Variants in PLD3 observed in about 807,000 individuals in gnomAD.
The protein encoded by PLD3 is 5'-3' exonuclease PLD3.
Under a neutral mutation model 58.4 loss-of-function variants are expected in PLD3, and 31 were observed. The observed-to-expected ratio is 0.53, with a 90% confidence interval of 0.40 to 0.72. The LOEUF is 0.72. PLD3 is among the 30% of genes least tolerant of loss of function. The pLI, the probability that PLD3 is intolerant of heterozygous loss-of-function variation, is 0.00. For missense variants in PLD3, 595 were observed against 659.8 expected, an observed-to-expected ratio of 0.90 and a Z score of 1.08; for synonymous variants, 264 against 273.4, an observed-to-expected ratio of 0.97 and a Z score of 0.34.
At chr19:40,355,351 T>C (rs2078629438) in intron 1 of PLD3, among the ~76,000 whole-genome samples, 1 of 151,450 alleles carries the variant, frequency 6.6e-6, no homozygotes, top group East Asian at 1.9e-4. Context: ...TCGCTCTTGT[T>C]GCCCAGGCTG....
chr19:40,353,800 A>C (rs544369417), intron 1 of PLD3, among the ~76,000 whole-genome samples: 144 of 152,074 alleles, frequency 9.5e-4, no homozygotes, highest in African/African-American at 3.3e-3. Context: ...GGATGGTCTC[A>C]ATCTCCTGAC....
chr19:40,365,235 G>A (rs2078888332), intron 1 of PLD3, among the ~76,000 whole-genome samples: 3 of 152,160 alleles, frequency 2.0e-5, no homozygotes, highest in African/African-American at 4.8e-5. Context: ...AGAGGAAAGG[G>A]GTCTCCAGTG....
intron 1 of PLD3, among the ~76,000 whole-genome samples, chr19:40,352,635 T>A (rs2078547464): frequency 6.6e-6 from 1 of 152,132 alleles, no homozygotes; most frequent in Admixed American, 6.6e-5. Context: ...ATTAAATATA[T>A]TAAGTCCAAT....
chr19:40,364,587 C>T (rs182005087), intron 1 of PLD3, among the ~76,000 whole-genome samples: 2 of 151,526 alleles, frequency 1.3e-5, no homozygotes, highest in Non-Finnish European at 2.9e-5. Flanking sequence ...GTCAGGAGAT[C>T]GAGACCATCC....
intron 8 of PLD3, chr19:40,370,748 C>T (rs916071016): frequency 1.3e-5 from 2 of 154,220 alleles, no homozygotes; most frequent in East Asian, 1.9e-4. Flanking sequence ...CCTCTGATCC[C>T]CAATTGCAGC....
Position 40,371,845 on chromosome 19 carries a change from A to G in PLD3, c.851A>G (p.Asn284Ser), listed in dbSNP as rs200274020. The change falls in exon 9 of 13, where the codon AAT (asparagine) becomes AGT (serine). Residue 284 changes from asparagine to serine, a missense_variant. Transcript: ENST00000409735. Reference protein sequence around the residue: ...NQETPMEICLNGTPALAYLAS... With the variant: ...NQETPMEICLSGTPALAYLAS... ...GAGACACCAATGGAGATCTGCCTCAATGGAACCCCTGCTCTGGCCTACCTG... is the reference window on the plus strand; with the variant it reads ...GAGACACCAATGGAGATCTGCCTCAGTGGAACCCCTGCTCTGGCCTACCTG... The G allele has an allele frequency of 3.0e-4, 479 of 1,614,092 alleles. No individual in the cohort carries two copies. Among genetic ancestry groups the G allele is most frequent in the Admixed American group, 1.8e-3 (111 of 60,008 alleles).
chr19:40,357,472 T>C (rs1397563257), intron 1 of PLD3: 1 of 152,200 alleles, frequency 6.6e-6, no homozygotes, highest in African/African-American at 2.4e-5. Flanking sequence ...ACACTCTGCA[T>C]TCTCAGATGG....
intron 1 of PLD3, among the ~76,000 whole-genome samples, chr19:40,350,467 T>G (rs1194608695): frequency 6.6e-6 from 1 of 151,454 alleles, no homozygotes; most frequent in Non-Finnish European, 1.5e-5. Context: ...TATCTCGGCC[T>G]GGCGCAATGG....
rs373757018 is a variant in PLD3, at chr19:40,354,567, CCAGG to C, written c.-279+5801_-279+5804del. On this transcript the variant is annotated intron_variant, in intron 1 of 12. Transcript: ENST00000409735. Reference sequence around the variant, plus strand: ...TCATTGAGACACTGTCTTGTGTCACCCAGGCTGGTGTGCAGTGGTGCAAGCTCAG... The same window carrying C: ...TCATTGAGACACTGTCTTGTGTCACCCTGGTGTGCAGTGGTGCAAGCTCAG... 2.0e-3 allele frequency among the ~76,000 whole-genome samples: 301 copies of C among 151,958 alleles called. 1 individual carries two copies. The highest frequency in any genetic ancestry group is 7.0e-3 in the African/African-American group (289 of 41,414).
At chr19:40,354,715 A>G (rs1253771305) in intron 1 of PLD3, among the ~76,000 whole-genome samples, 1 of 148,864 alleles carries the variant, frequency 6.7e-6, no homozygotes, top group Admixed American at 6.7e-5. Flanking sequence ...TAACAGAGAC[A>G]GGGTTTCGCC....
chr19:40,360,445 C>T (rs1480700433), intron 1 of PLD3: 1 of 152,042 alleles, frequency 6.6e-6, no homozygotes, highest in Non-Finnish European at 1.5e-5. Context: ...AAGTTGGTGG[C>T]TTAACACAAC....
chr19:40,354,252 T>A (rs1465562163), intron 1 of PLD3, among the ~76,000 whole-genome samples: 1 of 151,870 alleles, frequency 6.6e-6, no homozygotes, highest in Non-Finnish European at 1.5e-5. Context: ...TTTTGTATTT[T>A]TAGTAGAGAC....
chr19:40,378,432 T>C lies in PLD3; in HGVS notation c.*259T>C. The C allele has an allele frequency of 1.7e-6, 1 of 586,448 alleles. No individual in the cohort carries two copies. The highest frequency in any genetic ancestry group is 3.1e-6 in the Non-Finnish European group (1 of 326,994). 36.3% of individuals were successfully genotyped at this position (586,448 alleles called of 1,614,324 possible). A position where few individuals can be genotyped will look rare whatever the true frequency, so the allele number is the denominator to read the frequency against. The stretch of plus-strand genomic sequence containing the variant: ...GCCTGGCCCCCTGGCCCACCCCCAC[T>C]TTCCAGGGCAAAAAGGGCCCAGGGT... On this transcript the variant is annotated 3_prime_UTR_variant, in exon 13 of 13. Coordinates refer to ENST00000409735, the MANE Select transcript of PLD3 (RefSeq NM_012268.4).
rs1325800260 is a variant in PLD3 at position 40,367,869 on chromosome 19, C to G, written c.419C>G (p.Ser140Cys). ...AATGACACCCACACGCAGGAGCCCT[C>G]TGCCCAGCAGGTACCTGCAACCTTG... Reference protein sequence around the residue: ...TNNDTHTQEPSAQQGEEVLRQ... With the variant: ...TNNDTHTQEPCAQQGEEVLRQ... Residue 140 changes from serine to cysteine, a missense_variant, in exon 6 of 13, where the codon TCT becomes TGT. Coordinates refer to ENST00000409735, the MANE Select transcript of PLD3 (RefSeq NM_012268.4). The G allele has an allele frequency of 6.5e-7, 1 of 1,547,230 alleles. No individual in the cohort carries two copies. Among genetic ancestry groups the G allele is most frequent in the Non-Finnish European group, 8.7e-7 (1 of 1,148,794 alleles).
chr19:40,355,512 A>ATGTT (rs1190615416), intron 1 of PLD3, among the ~76,000 whole-genome samples: 1 of 149,028 alleles, frequency 6.7e-6, no homozygotes, highest in Non-Finnish European at 1.5e-5. Context: ...GGGTTTCTCC[A>ATGTT]TGTTGGCCAG....
chr19:40,372,296 G>A (rs542460875), intron 9 of PLD3, among the ~76,000 whole-genome samples: 1 of 152,056 alleles, frequency 6.6e-6, no homozygotes, highest in Admixed American at 6.6e-5. Context: ...AGACCAGCCT[G>A]GACAACATAG....
Position 40,351,087 on chromosome 19 carries a change from G to C in PLD3, c.-279+2319G>C, listed in dbSNP as rs531820883. Among the ~76,000 whole-genome samples, 12 of 151,984 alleles carry C rather than the reference G, an allele frequency of 7.9e-5. No individual in the cohort carries two copies. The East Asian group carries it at 2.3e-3, about 30-fold the overall frequency. ...ACCCCATCTCTACAAAAATTAGCCA[G>C]GTATGGTGGTGTGCGCCTGTGGTCC... On this transcript the variant is annotated intron_variant, in intron 1 of 12. Transcript: ENST00000409735.
chr19:40,369,841 G>A lies in PLD3; in HGVS notation c.430-67G>A, dbSNP rs755001322. The A allele has an allele frequency of 9.2e-5, 131 of 1,426,246 alleles. 1 individual carries two copies. Among genetic ancestry groups the A allele is most frequent in the Middle Eastern group, 7.4e-4 (3 of 4,076 alleles). 88.3% of individuals were successfully genotyped at this position (1,426,246 alleles called of 1,614,324 possible). A position where few individuals can be genotyped will look rare whatever the true frequency, so the allele number is the denominator to read the frequency against. ...AATCATGTCTCAAAATAACTCCACC[G>A]GGCATTACCTTGTGGGGTTGGAGAG... On this transcript the variant is annotated intron_variant, in intron 6 of 12. Transcript: ENST00000409735.
chr19:40,362,297 G>T (rs544567504), intron 1 of PLD3, among the ~76,000 whole-genome samples: 1 of 152,360 alleles, frequency 6.6e-6, no homozygotes, highest in African/African-American at 2.4e-5. Flanking sequence ...CAAGAGCACA[G>T]AGGTGTTGTC....
Sources: gnomAD v4.1 joint callset for allele counts (sites outside exome capture counted in the v4.1 genomes callset) on GRCh38, gnomAD v4.1.1 for gene constraint, MANE v1.5 for transcripts, NCBI Gene and HGNC (gene_info 2026-07-23, HGNC 2026-07-21) for gene names.